PRKAR1B: variants seen among roughly 807,000 people sequenced by gnomAD.
PRKAR1B encodes cAMP-dependent protein kinase type I-beta regulatory subunit.
PRKAR1B carries 22 observed loss-of-function variants against 46.5 expected under a neutral mutation model. The ratio of observed to expected loss-of-function variants is 0.47; its 90% CI spans 0.34 to 0.68. The LOEUF (loss-of-function observed/expected upper bound fraction) is 0.68, where lower values mean the gene tolerates loss of function less well. Among genes scored for constraint, PRKAR1B ranks in the 30% least tolerant of loss-of-function variants. The pLI is 0.01. For synonymous variants in PRKAR1B, 259 were observed against 217.7 expected, an observed-to-expected ratio of 1.19 and a Z score of -1.67; for missense variants, 445 against 535.6, an observed-to-expected ratio of 0.83 and a Z score of 1.67.
At chr7:688,777 A>G (rs1779244971) in intron 2 of PRKAR1B, among the ~76,000 whole-genome samples, 1 of 152,148 alleles carries the variant, frequency 6.6e-6, no homozygotes, top group Non-Finnish European at 1.5e-5. Context: ...GTGAGCAGCA[A>G]TCTCACAGTT....
chr7:573,811 T>G (rs1432003227), intron 9 of PRKAR1B, among the ~76,000 whole-genome samples: 1 of 152,176 alleles, frequency 6.6e-6, no homozygotes, highest in African/African-American at 2.4e-5. Flanking sequence ...GAGGCACAGC[T>G]GGCAGAGCCT....
chr7:560,389 T>TAATAATAATAAA lies in PRKAR1B; in HGVS notation c.892-8920_892-8919insTTTATTATTATT, dbSNP rs917607162. On this transcript the variant is annotated intron_variant, in intron 9 of 10. Coordinates refer to ENST00000537384, the MANE Select transcript of PRKAR1B (RefSeq NM_001164760.2). This position sits in a 1 kb window ranked among gnomAD's most constrained non-coding sequence, Gnocchi z 4.2. Reference sequence around the variant, plus strand: ...ATAATAATAATAATAATAATAATAATAAATATATTTTAAAAGAAACTTTGT... The same window carrying TAATAATAATAAA: ...ATAATAATAATAATAATAATAATAATAATAATAATAAAAAATATATTTTAAAAGAAACTTTGT... Among the ~76,000 whole-genome samples, 59 of 146,218 alleles carry TAATAATAATAAA rather than the reference T, an allele frequency of 4.0e-4. No homozygotes were observed. The highest frequency in any genetic ancestry group is 2.6e-3 in the East Asian group (13 of 5,014).
Position 583,500 on chromosome 7 carries a change from C to T in PRKAR1B, c.769+1008G>A, listed in dbSNP as rs565637256. ...ACCCACGCACACACGTGTGTGCACA[C>T]CCATACACACCCACACACGCGTGCA... On this transcript the variant is annotated intron_variant, in intron 8 of 10. Transcript: ENST00000537384. 4.0e-5 allele frequency among the ~76,000 whole-genome samples: 6 copies of T among 149,430 alleles called. No individual in the cohort carries two copies. The South Asian group carries it at 1.1e-3, about 27-fold the overall frequency.
chr7:576,109 TCTC>T (rs1019069945), intron 9 of PRKAR1B, among the ~76,000 whole-genome samples: 3 of 146,848 alleles, frequency 2.0e-5, no homozygotes, highest in African/African-American at 7.7e-5. Context: ...GCTGGCATAG[TCTC>T]CTCTGCACAC....
chr7:638,767 T>G (rs1784251440), intron 4 of PRKAR1B, among the ~76,000 whole-genome samples: 1 of 152,210 alleles, frequency 6.6e-6, no homozygotes, highest in Non-Finnish European at 1.5e-5. Flanking sequence ...CTCTTACAAC[T>G]GCTAAGCTGA....
At chr7:645,958 G>C (rs1250903634) in intron 4 of PRKAR1B, among the ~76,000 whole-genome samples, 1 of 152,214 alleles carries the variant, frequency 6.6e-6, no homozygotes, top group Non-Finnish European at 1.5e-5. Flanking sequence ...TGACAGCAAA[G>C]TCCAAGTGTG....
At chr7:632,397 G>A (rs114558084) in intron 4 of PRKAR1B, among the ~76,000 whole-genome samples, 2,293 of 152,222 alleles carry the variant, frequency 0.015, 26 homozygotes, top group South Asian at 0.018. Context: ...CCCATCCACT[G>A]CCCCCCAACA....
At chr7:636,084 T>A (rs112607299) in intron 4 of PRKAR1B, among the ~76,000 whole-genome samples, 29 of 20,152 alleles carry the variant, frequency 1.4e-3, no homozygotes, top group Admixed American at 2.3e-3. Context: ...GGCCGCGCCC[T>A]CACGTCCTCC....
chr7:573,073 G>T (rs1161747303), intron 9 of PRKAR1B, among the ~76,000 whole-genome samples: 1 of 152,086 alleles, frequency 6.6e-6, no homozygotes, highest in Non-Finnish European at 1.5e-5. Context: ...CGCCCTGGAC[G>T]TGCGGTCCAC....
At chr7:579,139 T>C (rs1780036084) in intron 9 of PRKAR1B, 117 bp downstream of exon 9, 1 of 1,585,526 alleles carries the variant, frequency 6.3e-7, no homozygotes, top group Non-Finnish European at 8.6e-7. Flanking sequence ...GGGCGTGCGG[T>C]CACAGGGCAG....
chr7:680,613 T>C lies in PRKAR1B; in HGVS notation c.291A>G (p.Arg97=). 2 of 1,571,576 alleles carry C rather than the reference T, an allele frequency of 1.3e-6. No homozygotes were observed. Among genetic ancestry groups the C allele is most frequent in the Non-Finnish European group, 8.6e-7 (1 of 1,157,486 alleles). ...TGTACACCTCGGCACTCACGCCTCC[T>C]CGCCGGCGGCGGGCCTTCACCACAG... ...PNPVVKARRR[R]GGVSAEVYTE... The change falls in exon 3 of 11, where the codon CGA becomes CGG. Residue 97 remains arginine (R), a synonymous_variant. Coordinates refer to ENST00000537384, the MANE Select transcript of PRKAR1B (RefSeq NM_001164760.2).
intron 4 of PRKAR1B, among the ~76,000 whole-genome samples, chr7:645,198 G>A (rs1784564276): frequency 6.6e-6 from 1 of 152,198 alleles, no homozygotes; most frequent in African/African-American, 2.4e-5. Context: ...CCGGCCTGCA[G>A]CACCCAAGTC....
At chr7:669,867 ATT>A (rs570284003) in intron 4 of PRKAR1B, among the ~76,000 whole-genome samples, 32 of 131,352 alleles carry the variant, frequency 2.4e-4, no homozygotes, top group Admixed American at 2.4e-4. Context: ...CACGTGCCAT[ATT>A]TTTTTTTTTT....
At chr7:727,324 C>G (rs974807196), upstream of PRKAR1B, 9 of 1,258,864 alleles carry the variant, frequency 7.1e-6, no homozygotes, top group Non-Finnish European at 9.0e-6. Context: ...CGGTGAGCAC[C>G]CCGGGCCCCG....
chr7:687,703 A>T (rs1179213512), intron 2 of PRKAR1B, among the ~76,000 whole-genome samples: 1 of 152,216 alleles, frequency 6.6e-6, no homozygotes, highest in Non-Finnish European at 1.5e-5. Flanking sequence ...CAGGCCACAG[A>T]TTCAACAAGA....
upstream of PRKAR1B, among the ~76,000 whole-genome samples, chr7:728,717 C>G (rs892299248): frequency 6.6e-6 from 1 of 152,224 alleles, no homozygotes; most frequent in Non-Finnish European, 1.5e-5. Flanking sequence ...ATCTGTGCCC[C>G]AGCCCCAAGC....
intron 9 of PRKAR1B, among the ~76,000 whole-genome samples, chr7:571,974 G>A (rs1193393349): frequency 6.6e-6 from 1 of 152,234 alleles, no homozygotes; most frequent in African/African-American, 2.4e-5. Flanking sequence ...CGGAGGCAGG[G>A]CACAGAGATG....
At position 718,255 on chromosome 7, in the gene PRKAR1B, T is replaced by TACAC. The variant is rs35563369; in HGVS notation, c.-22-6732_-22-6729dup. ...CCTTCACTGGGGGAAGCTTTATAGA[T>TACAC]ACACACACACACACACACACACACA... is the stretch of plus-strand genomic sequence containing the variant. On this transcript the variant is annotated intron_variant, in intron 1 of 10. Transcript: ENST00000537384. Among the ~76,000 whole-genome samples the TACAC allele has an allele frequency of 1.4e-3, 190 of 140,018 alleles. 3 individuals carry two copies. The highest frequency in any genetic ancestry group is 5.3e-3 in the East Asian group (25 of 4,700). The allele number at this position is 140,018 out of a possible 152,430, so 91.9% of individuals were successfully genotyped here.
chr7:665,211 A>G (rs1192630866), intron 4 of PRKAR1B, among the ~76,000 whole-genome samples: 1 of 152,248 alleles, frequency 6.6e-6, no homozygotes, highest in Non-Finnish European at 1.5e-5. Context: ...CTGTTCTCTT[A>G]AAAAGGTTGT....
Sources: gnomAD v4.1 joint callset for allele counts (sites outside exome capture counted in the v4.1 genomes callset) on GRCh38, gnomAD v4.1.1 for gene constraint, Gnocchi (gnomAD v3.1) non-coding constraint, MANE v1.5 for transcripts, NCBI Gene and HGNC (gene_info 2026-07-23, HGNC 2026-07-21) for gene names.